PCSK5: variants seen among roughly 807,000 people sequenced by gnomAD.
PCSK5 encodes proprotein convertase subtilisin/kexin type 5.
In PCSK5, 129 loss-of-function variants were observed where a neutral mutation model predicts 233.2. The observed-to-expected ratio is 0.55, with a 90% confidence interval of 0.48 to 0.64. The LOEUF (loss-of-function observed/expected upper bound fraction) is 0.64. Ranked by LOEUF, PCSK5 falls within the 30% of genes least tolerant of loss-of-function variation. The probability of loss-of-function intolerance (pLI) is 0.00; values close to 1 mark genes in which losing one functional copy is unlikely to be tolerated. For missense variants in PCSK5, 2,076 were observed against 2,430.1 expected, an observed-to-expected ratio of 0.85 and a Z score of 3.06; for synonymous variants, 825 against 879.2, an observed-to-expected ratio of 0.94 and a Z score of 1.09.
chr9:76,175,664 T>A (rs1455225311), intron 14 of PCSK5: 2 of 155,032 alleles, frequency 1.3e-5, no homozygotes, highest in African/African-American at 4.8e-5. Context: ...AAACATTTTG[T>A]CACTTGCTAT....
At chr9:75,904,001 T>C (rs1342639067) in intron 1 of PCSK5, among the ~76,000 whole-genome samples, 1 of 152,158 alleles carries the variant, frequency 6.6e-6, no homozygotes, top group Admixed American at 6.5e-5. Flanking sequence ...GTAGGCCACT[T>C]AGGATTTATT....
chr9:76,357,652 C>G (rs1250484134), intron 37 of PCSK5, among the ~76,000 whole-genome samples: 1 of 152,194 alleles, frequency 6.6e-6, no homozygotes, highest in Non-Finnish European at 1.5e-5. Flanking sequence ...GTTGTCAGAG[C>G]CTTTTGTCCT....
intron 29 of PCSK5, among the ~76,000 whole-genome samples, chr9:76,309,016 G>T (rs1369917131): frequency 1.3e-5 from 2 of 152,128 alleles, no homozygotes; most frequent in Non-Finnish European, 2.9e-5. Flanking sequence ...CCAGGAGTTT[G>T]AGATCAGCCT....
intron 3 of PCSK5, among the ~76,000 whole-genome samples, chr9:76,006,004 G>C (rs1039309288): frequency 5.9e-4 from 89 of 151,496 alleles, no homozygotes; most frequent in African/African-American, 2.1e-3. Flanking sequence ...AAGGGGCTAG[G>C]AGCACACCAC....
chr9:76,295,809 G>C (rs1828420461), intron 26 of PCSK5, among the ~76,000 whole-genome samples: 1 of 152,130 alleles, frequency 6.6e-6, no homozygotes, highest in Non-Finnish European at 1.5e-5. Context: ...AAGATCCCTT[G>C]CCTTAGGCTT....
At chr9:75,984,113 T>A (rs898726821) in intron 2 of PCSK5, among the ~76,000 whole-genome samples, 1 of 152,198 alleles carries the variant, frequency 6.6e-6, no homozygotes, top group Non-Finnish European at 1.5e-5. Context: ...AGCATTTTTG[T>A]TTGGTAAAAT....
chr9:76,233,361 T>C (rs1361283493), intron 21 of PCSK5, 99 bp from the exon 22 acceptor site: 1 of 1,220,528 alleles, frequency 8.2e-7, no homozygotes, highest in Non-Finnish European at 1.2e-6. Context: ...AACAATGAAG[T>C]CAAATCTGTC....
At chr9:76,239,695 CAAAAAAAAA>C (rs61703191) in intron 23 of PCSK5, among the ~76,000 whole-genome samples, 12,236 of 111,210 alleles carry the variant, frequency 0.11, 679 homozygotes, top group Admixed American at 0.17. Context: ...GACTCCATCT[CAAAAAAAAA>C]AAAAAAGAAA....
chr9:76,274,543 A>G (rs766185729), intron 24 of PCSK5, among the ~76,000 whole-genome samples: 7 of 152,054 alleles, frequency 4.6e-5, no homozygotes, highest in Non-Finnish European at 8.8e-5. Flanking sequence ...TTAAGATTAT[A>G]TTTTTTAAGA....
intron 24 of PCSK5, among the ~76,000 whole-genome samples, chr9:76,256,982 T>C (rs1453457941): frequency 6.6e-6 from 1 of 152,246 alleles, no homozygotes; most frequent in East Asian, 1.9e-4. Flanking sequence ...TGCTCATATC[T>C]TGAGTTCTTC....
chr9:76,313,570 A>C (rs1828932192), intron 30 of PCSK5, among the ~76,000 whole-genome samples: 1 of 152,160 alleles, frequency 6.6e-6, no homozygotes, highest in Non-Finnish European at 1.5e-5. Context: ...GCCATGGTGC[A>C]CACCTCTAGT....
chr9:76,296,823 G>T lies in PCSK5; in HGVS notation c.3481G>T (p.Val1161Leu). ...ACTGCAGCTGCTGCGTGGGATGTGCGTGCATGCCACCAAGACCCAGGAGGA... is the reference window on the plus strand; with the variant it reads ...ACTGCAGCTGCTGCGTGGGATGTGCTTGCATGCCACCAAGACCCAGGAGGA... ...EGLQLLRGMC[V>L]HATKTQEEGK... The change falls in exon 27 of 38, where the codon GTG (valine) becomes TTG (leucine). Residue 1161 changes from valine (V) to leucine (L), a missense_variant. This residue lies in a region of PCSK5 where 1,510 missense variants were observed against 1,538.1 expected (regional missense o/e 0.98). Coordinates refer to ENST00000674117, the MANE Select transcript of PCSK5 (RefSeq NM_001372043.1). 3 of 1,612,452 alleles carry T rather than the reference G, an allele frequency of 1.9e-6. No homozygotes were observed. The highest frequency in any genetic ancestry group is 1.1e-5 in the South Asian group (1 of 91,048).
At chr9:75,897,391 G>A (rs1390600045) in intron 1 of PCSK5, among the ~76,000 whole-genome samples, 1 of 151,604 alleles carries the variant, frequency 6.6e-6, no homozygotes, top group Non-Finnish European at 1.5e-5. Context: ...GGGGGCAACT[G>A]ACAAGAAAAC....
intron 2 of PCSK5, among the ~76,000 whole-genome samples, chr9:75,968,448 T>C (rs1825687091): frequency 6.6e-6 from 1 of 152,164 alleles, no homozygotes; most frequent in Non-Finnish European, 1.5e-5. Context: ...ATAAGAAAAA[T>C]ATAGCCTCTT....
intron 31 of PCSK5, among the ~76,000 whole-genome samples, chr9:76,322,379 A>C (rs1419424745): frequency 6.6e-6 from 1 of 152,192 alleles, no homozygotes; most frequent in Non-Finnish European, 1.5e-5. Flanking sequence ...TGAGATGACC[A>C]CTCTGGCTGT....
intron 7 of PCSK5, among the ~76,000 whole-genome samples, chr9:76,085,969 A>C (rs1831046987): frequency 6.6e-6 from 1 of 152,208 alleles, no homozygotes; most frequent in Non-Finnish European, 1.5e-5. Flanking sequence ...TGTCAATAAT[A>C]AATGTTTTTA....
intron 1 of PCSK5, among the ~76,000 whole-genome samples, chr9:75,919,811 G>A (rs62555868): frequency 0.11 from 16,337 of 152,040 alleles, 1,340 homozygotes; most frequent in African/African-American, 0.23. Flanking sequence ...TTTTGTGGTC[G>A]CCATGGTACA....
intron 5 of PCSK5, among the ~76,000 whole-genome samples, chr9:76,039,417 T>C (rs1325531850): frequency 6.6e-6 from 1 of 152,196 alleles, no homozygotes; most frequent in East Asian, 1.9e-4. Flanking sequence ...AAAATGTTTT[T>C]CTTAAAAAAT....
intron 24 of PCSK5, among the ~76,000 whole-genome samples, chr9:76,291,110 C>T (rs1301790301): frequency 7.9e-5 from 12 of 152,208 alleles, no homozygotes; most frequent in Admixed American, 7.9e-4. Context: ...ATTAGCAGAG[C>T]CTTTGCTAGA....
Sources: gnomAD v4.1 joint callset for allele counts (sites outside exome capture counted in the v4.1 genomes callset) on GRCh38, gnomAD v4.1.1 for gene constraint, gnomAD v4.1.1 regional missense constraint, MANE v1.5 for transcripts, NCBI Gene and HGNC (gene_info 2026-07-23, HGNC 2026-07-21) for gene names.